Variants in ORC2 observed in about 807,000 individuals in gnomAD.
ORC2 encodes the protein origin recognition complex protein 2 homolog.
ORC2 carries 37 observed loss-of-function variants against 77.7 expected under a neutral mutation model. The ratio of observed to expected loss-of-function variants is 0.48; its 90% CI spans 0.37 to 0.63. ORC2 has a LOEUF of 0.63. Among genes scored for constraint, ORC2 ranks in the 20% least tolerant of loss-of-function variants. The pLI, the probability that ORC2 is intolerant of heterozygous loss-of-function variation, is 0.00. For synonymous variants in ORC2, 201 were observed against 229.5 expected (o/e 0.88, Z 1.12); for missense variants, 557 against 661.9 (o/e 0.84, Z 1.74).
rs752166403 is a variant in ORC2 at position 200,937,935 on chromosome 2, G to A, written c.485C>T (p.Ala162Val). The change falls in exon 8 of 18, where the codon GCA becomes GTA. Residue 162 changes from alanine to valine, a missense_variant. Transcript: ENST00000234296. ...NNDKSEFLSTAPRSLRKRLIV... is the reference protein window; with the variant it reads ...NNDKSEFLSTVPRSLRKRLIV... ...TAATCTTTTTCTTAGACTACGAGGT[G>A]CTGTTGACAGAAATTCACTTTTGTC... 5 of 1,600,564 alleles carry A rather than the reference G, an allele frequency of 3.1e-6. No homozygotes were observed. The highest frequency in any genetic ancestry group is 4.3e-6 in the Non-Finnish European group (5 of 1,171,314).
At chr2:200,927,711 A>G (rs2040865349) in intron 11 of ORC2, among the ~76,000 whole-genome samples, 1 of 151,154 alleles carries the variant, frequency 6.6e-6, no homozygotes, top group Non-Finnish European at 1.5e-5. Flanking sequence ...TAACTAATTA[A>G]TAATAATTTT....
intron 1 of ORC2, among the ~76,000 whole-genome samples, chr2:200,962,310 T>C (rs2041593504): frequency 6.6e-6 from 1 of 152,252 alleles, no homozygotes. Context: ...TCAAGGCAAT[T>C]CTGCAGCACC....
intron 10 of ORC2, among the ~76,000 whole-genome samples, chr2:200,933,455 A>T (rs1327311359): frequency 6.6e-6 from 1 of 152,224 alleles, no homozygotes; most frequent in Non-Finnish European, 1.5e-5. Context: ...ATAAATGGTA[A>T]ATGGATATCA....
At chr2:200,929,872 C>G (rs1441967006) in intron 11 of ORC2, among the ~76,000 whole-genome samples, 4 of 152,016 alleles carry the variant, frequency 2.6e-5, no homozygotes, top group Non-Finnish European at 4.4e-5. Flanking sequence ...CAGTCATTCA[C>G]TCTGCTGGAT....
intron 15 of ORC2, among the ~76,000 whole-genome samples, chr2:200,919,399 C>T (rs188881113): frequency 2.6e-4 from 40 of 152,292 alleles, no homozygotes; most frequent in South Asian, 4.1e-4. Context: ...TGCTCTGTCA[C>T]GCAGGCTGGA....
intron 13 of ORC2, among the ~76,000 whole-genome samples, chr2:200,923,660 C>A (rs2040794792): frequency 6.6e-6 from 1 of 152,056 alleles, no homozygotes; most frequent in South Asian, 2.1e-4. Flanking sequence ...GGTATTTTTT[C>A]CCCAAGGCAC....
intron 5 of ORC2, among the ~76,000 whole-genome samples, chr2:200,946,593 G>A (rs2041253353): frequency 6.6e-6 from 1 of 152,158 alleles, no homozygotes; most frequent in Admixed American, 6.5e-5. Flanking sequence ...TGACAGAAAT[G>A]CGCAGAATGA....
intron 13 of ORC2, among the ~76,000 whole-genome samples, chr2:200,923,961 T>C (rs1409050204): frequency 6.6e-6 from 1 of 152,190 alleles, no homozygotes; most frequent in Non-Finnish European, 1.5e-5. Context: ...TTTGGGATTA[T>C]AAATAAATGT....
intron 10 of ORC2, 74 bp downstream of exon 10, chr2:200,933,802 A>G (rs1267048990): frequency 2.7e-6 from 2 of 736,820 alleles, no homozygotes; most frequent in Non-Finnish European, 4.7e-6. Context: ...ATACTTTTCA[A>G]ATCTGTTGCT....
At chr2:200,934,278 A>T (rs2040994078) in intron 9 of ORC2, among the ~76,000 whole-genome samples, 1 of 151,962 alleles carries the variant, frequency 6.6e-6, no homozygotes, top group South Asian at 2.1e-4. Context: ...ATGGTTTTAT[A>T]TATCAAGATC....
intron 4 of ORC2, among the ~76,000 whole-genome samples, chr2:200,956,936 C>A (rs1197486677): frequency 2.0e-5 from 3 of 152,138 alleles, no homozygotes. Context: ...ACTGCATATT[C>A]TCACTCATAG....
At chr2:200,952,737 A>T (rs2041385210) in intron 4 of ORC2, among the ~76,000 whole-genome samples, 1 of 152,066 alleles carries the variant, frequency 6.6e-6, no homozygotes. Context: ...AGTATCATTA[A>T]GTTATCAGTT....
intron 13 of ORC2, 51 bp downstream of exon 13, chr2:200,925,785 A>G (rs1337924557): frequency 2.7e-6 from 2 of 746,000 alleles, no homozygotes; most frequent in Admixed American, 2.1e-5. Context: ...AATAAGTAGA[A>G]GTATATGCTT....
intron 13 of ORC2, among the ~76,000 whole-genome samples, chr2:200,923,909 CTG>C (rs957139118): frequency 3.3e-5 from 5 of 152,178 alleles, no homozygotes; most frequent in African/African-American, 1.2e-4. Context: ...TTTTGCCACT[CTG>C]TGCCATGTTT....
At chr2:200,927,642 A>G (rs1050314722) in intron 11 of ORC2, among the ~76,000 whole-genome samples, 4 of 149,002 alleles carry the variant, frequency 2.7e-5, no homozygotes, top group Non-Finnish European at 6.0e-5. Flanking sequence ...GTGAGCCGAG[A>G]TCCCGCCACT....
At chr2:200,921,299 A>C (rs2040755640) in intron 13 of ORC2, 160 bp from the exon 14 acceptor site, 1 of 410,656 alleles carries the variant, frequency 2.4e-6, no homozygotes, top group Admixed American at 4.1e-5. Context: ...ACCTGGAACT[A>C]GGCGCACACC....
chr2:200,950,252 A>C (rs1029849627), intron 4 of ORC2, among the ~76,000 whole-genome samples: 1 of 152,074 alleles, frequency 6.6e-6, no homozygotes, highest in African/African-American at 2.4e-5. Context: ...AATTGCTTGA[A>C]CCTGGGAGGC....
rs776410525 is a variant in ORC2 at position 200,926,918 on chromosome 2, A to G, written c.918-18T>C. 1.2e-6 allele frequency: 2 copies of G among 1,609,164 alleles called. No homozygotes were observed. The highest frequency in any genetic ancestry group is 3.4e-5 in the Admixed American group (2 of 58,868). On this transcript the variant is annotated intron_variant, in intron 11 of 17. Coordinates refer to ENST00000234296, the MANE Select transcript of ORC2 (RefSeq NM_006190.5). ...ACCCAAGGCTGTTAGGAAAGACAGTATTCATGAAATTAAACTTCAATACCT... is the reference window on the plus strand; with the variant it reads ...ACCCAAGGCTGTTAGGAAAGACAGTGTTCATGAAATTAAACTTCAATACCT...
At chr2:200,917,552 TG>T (rs2040677482) in intron 15 of ORC2, among the ~76,000 whole-genome samples, 1 of 152,168 alleles carries the variant, frequency 6.6e-6, no homozygotes, top group Non-Finnish European at 1.5e-5. Flanking sequence ...AGTCTTGTGG[TG>T]ATGGTACAGC....
Sources: gnomAD v4.1 joint callset for allele counts (sites outside exome capture counted in the v4.1 genomes callset) on GRCh38, gnomAD v4.1.1 for gene constraint, MANE v1.5 for transcripts, NCBI Gene and HGNC (gene_info 2026-07-23, HGNC 2026-07-21) for gene names.